CNGA3: variants seen among roughly 807,000 people sequenced by gnomAD.
CNGA3 encodes the protein cyclic nucleotide gated channel subunit alpha 3.
In CNGA3, 42 loss-of-function variants were observed where a neutral mutation model predicts 46.6. That is an observed-to-expected ratio of 0.90 (90% CI 0.70 to 1.17). The LOEUF is 1.17. Among genes scored for constraint, CNGA3 ranks in the 50% most tolerant of loss-of-function variants. The probability of loss-of-function intolerance (pLI) is 0.00; values close to 1 mark genes in which losing one functional copy is unlikely to be tolerated. For synonymous variants in CNGA3, 394 were observed against 369.4 expected (o/e 1.07, Z -0.76); for missense variants, 893 against 890.7 (o/e 1.00, Z -0.03).
At chr2:98,389,259 C>T (rs757049864) in intron 5 of CNGA3, among the ~76,000 whole-genome samples, 1 of 152,210 alleles carries the variant, frequency 6.6e-6, no homozygotes, top group Non-Finnish European at 1.5e-5. Flanking sequence ...CAGGCCCAGC[C>T]CTGGAAGAGG....
chr2:98,377,917 A>T, intron 3 of CNGA3, 117 bp downstream of exon 3: 1 of 1,296,996 alleles, frequency 7.7e-7, no homozygotes, highest in Non-Finnish European at 1.1e-6. Context: ...TGGAAAAGAA[A>T]GGGTCAGGAG....
chr2:98,381,822 A>G (rs1430607843), intron 4 of CNGA3, among the ~76,000 whole-genome samples: 1 of 152,128 alleles, frequency 6.6e-6, no homozygotes, highest in Non-Finnish European at 1.5e-5. Context: ...AGTATCCTCG[A>G]GGGACACCAT....
chr2:98,378,505 A>C (rs750893190), intron 3 of CNGA3, among the ~76,000 whole-genome samples: 8 of 152,218 alleles, frequency 5.3e-5, no homozygotes, highest in Non-Finnish European at 1.0e-4. Context: ...AGTCTTACAT[A>C]GTCACATGTT....
chr2:98,391,882 G>A lies in CNGA3; in HGVS notation c.585G>A (p.Leu195=). 1 of 1,614,162 alleles carries A rather than the reference G, an allele frequency of 6.2e-7. No homozygotes were observed. The highest frequency in any genetic ancestry group is 1.1e-5 in the South Asian group (1 of 91,090). The change falls in exon 7 of 8, where the codon CTG becomes CTA. Residue 195 remains leucine, a synonymous_variant. Coordinates refer to ENST00000272602, the MANE Select transcript of CNGA3 (RefSeq NM_001298.3). ...TCTTTAGGGCCTGTTTCGATGAGCT[G>A]CAGTCCGAGTACCTGATGCTGTGGC... ...LLICRACFDE[L]QSEYLMLWLV... is the part of the protein sequence containing the mutation.
intron 1 of CNGA3, among the ~76,000 whole-genome samples, chr2:98,363,905 C>T (rs1470192296): frequency 4.6e-5 from 7 of 152,064 alleles, no homozygotes; most frequent in South Asian, 2.1e-4. Context: ...TAAAGTCTCC[C>T]GCTGTTATTG....
chr2:98,377,602 A>G lies in CNGA3; in HGVS notation c.102-85A>G, dbSNP rs1288781199. 21 of 1,325,444 alleles carry G rather than the reference A, an allele frequency of 1.6e-5. No homozygotes were observed. The African/African-American group carries it at 2.5e-4, about 16-fold the overall frequency. The allele number at this position is 1,325,444 out of a possible 1,614,324, so 82.1% of individuals were successfully genotyped here. On this transcript the variant is annotated intron_variant, in intron 2 of 7. Coordinates refer to ENST00000272602, the MANE Select transcript of CNGA3 (RefSeq NM_001298.3). ...AGGGTGGCTTTCCCTGCTAAGCAGAACATCTGACTGTCTCACTCCTGGCTG... is the reference window on the plus strand; with the variant it reads ...AGGGTGGCTTTCCCTGCTAAGCAGAGCATCTGACTGTCTCACTCCTGGCTG...
At position 98,397,459 on chromosome 2, in the gene CNGA3, T is replaced by C. The variant is rs1224124094; in HGVS notation, c.*204T>C. ...AGTCCCAGTGAAGTGCCAGGTTTGA[T>C]TGTGAAGTCCGCATGAAACACTGCA... On this transcript the variant is annotated 3_prime_UTR_variant, in exon 8 of 8. Transcript: ENST00000272602. The C allele has an allele frequency of 4.8e-6, 3 of 628,132 alleles. No individual in the cohort carries two copies. Among genetic ancestry groups the C allele is most frequent in the Non-Finnish European group, 8.4e-6 (3 of 355,502 alleles). The allele number at this position is 628,132 out of a possible 1,614,324, so 38.9% of individuals were successfully genotyped here. A position where few individuals can be genotyped will look rare whatever the true frequency, so the allele number is the denominator to read the frequency against.
chr2:98,391,046 A>T (rs886712762), intron 6 of CNGA3, among the ~76,000 whole-genome samples: 2 of 152,016 alleles, frequency 1.3e-5, no homozygotes, highest in African/African-American at 4.8e-5. Flanking sequence ...AGCCTGCAAG[A>T]CAGAGAGCCA....
intron 1 of CNGA3, among the ~76,000 whole-genome samples, chr2:98,367,176 C>CCTTTTTTT (rs1369254057): frequency 1.8e-4 from 21 of 115,498 alleles, no homozygotes; most frequent in Non-Finnish European, 2.8e-4. Context: ...TGTTTTTTTT[C>CCTTTTTTT]TTTTTTTTCT....
At chr2:98,375,908 T>A (rs1238721182) in intron 2 of CNGA3, among the ~76,000 whole-genome samples, 4 of 152,164 alleles carry the variant, frequency 2.6e-5, no homozygotes, top group African/African-American at 9.7e-5. Context: ...GAACTCCCAT[T>A]TCCTCTCTTA....
chr2:98,358,840 G>A (rs1337000404), intron 1 of CNGA3, among the ~76,000 whole-genome samples: 1 of 152,146 alleles, frequency 6.6e-6, no homozygotes. Context: ...TTGTTTTCCT[G>A]GATAAAGAAC....
intron 5 of CNGA3, among the ~76,000 whole-genome samples, chr2:98,386,016 T>C (rs1692646011): frequency 6.6e-6 from 1 of 152,324 alleles, no homozygotes; most frequent in South Asian, 2.1e-4. Flanking sequence ...AACTTCTCTG[T>C]GTATCTGTTT....
At chr2:98,353,984 C>G (rs1389925991) in intron 1 of CNGA3, among the ~76,000 whole-genome samples, 3 of 152,186 alleles carry the variant, frequency 2.0e-5, no homozygotes, top group Non-Finnish European at 2.9e-5. Context: ...AAATCCACCA[C>G]TATGAGCCAA....
intron 7 of CNGA3, among the ~76,000 whole-genome samples, chr2:98,392,950 C>T (rs935480043): frequency 6.6e-6 from 1 of 152,156 alleles, no homozygotes; most frequent in East Asian, 1.9e-4. Context: ...GGTAGAGGCC[C>T]TGTTTCCAAG....
rs964116698 is a variant in CNGA3 at position 98,367,607 on chromosome 2, A to G, written c.-37-2332A>G. On this transcript the variant is annotated intron_variant, in intron 1 of 7. Transcript: ENST00000272602. ...TTTGCAGGCATCTCAAACTGGAATC[A>G]TTCTCTTTCTCTAACGTGCTTCCCC... Among the ~76,000 whole-genome samples, 14 of 152,148 alleles carry G rather than the reference A, an allele frequency of 9.2e-5. 1 individual carries two copies. The highest frequency in any genetic ancestry group is 9.2e-4 in the Admixed American group (14 of 15,286).
chr2:98,367,187 T>C (rs1294888360), intron 1 of CNGA3, among the ~76,000 whole-genome samples: 2 of 139,688 alleles, frequency 1.4e-5, no homozygotes, highest in Non-Finnish European at 1.6e-5. Flanking sequence ...TTTTTTTTCT[T>C]TTTTTTTTTT....
intron 1 of CNGA3, among the ~76,000 whole-genome samples, chr2:98,355,181 T>TTTGTATGTTGCTGGATATAGTTTACTAG (rs1218712875): frequency 6.6e-6 from 1 of 152,098 alleles, no homozygotes; most frequent in African/African-American, 2.4e-5. Flanking sequence ...GTGAAATCCT[T>TTTGTATGTTGCTGGATATAGTTTACTAG]TTGTATGTTG....
At chr2:98,350,340 G>A (rs1279764256) in intron 1 of CNGA3, among the ~76,000 whole-genome samples, 1 of 152,132 alleles carries the variant, frequency 6.6e-6, no homozygotes, top group Admixed American at 6.5e-5. Flanking sequence ...GTTAGATATG[G>A]ACATCTTATT....
intron 1 of CNGA3, among the ~76,000 whole-genome samples, chr2:98,360,995 A>C (rs1574362453): frequency 6.7e-6 from 1 of 149,782 alleles, no homozygotes; most frequent in Middle Eastern, 3.5e-3. Context: ...TGTTATTTTT[A>C]TTTTTATTTT....
Sources: gnomAD v4.1 joint callset for allele counts (sites outside exome capture counted in the v4.1 genomes callset) on GRCh38, gnomAD v4.1.1 for gene constraint, MANE v1.5 for transcripts, NCBI Gene and HGNC (gene_info 2026-07-23, HGNC 2026-07-21) for gene names.